The following GDPD4 variants were observed in gnomAD, a reference collection of about 807,000 sequenced individuals.
GDPD4 encodes glycerophosphodiester phosphodiesterase domain containing 4, also known as glycerophosphodiester phosphodiesterase 6.
A neutral mutation model predicts 67.8 loss-of-function variants in GDPD4; 60 were observed. The observed-to-expected ratio is 0.88, with a 90% confidence interval of 0.72 to 1.10. The LOEUF (loss-of-function observed/expected upper bound fraction) is 1.10. Ranked by LOEUF, GDPD4 falls within the 50% of genes least tolerant of loss-of-function variation. The pLI, the probability that GDPD4 is intolerant of heterozygous loss-of-function variation, is 0.00. For synonymous variants in GDPD4, 212 were observed against 210.9 expected (o/e 1.00, Z -0.04); for missense variants, 623 against 613.9 (o/e 1.01, Z -0.16).
At chr11:77,268,833 C>A in intron 9 of GDPD4, 91 bp downstream of exon 9, 1 of 1,339,252 alleles carries the variant, frequency 7.5e-7, no homozygotes, top group Admixed American at 2.1e-5. Flanking sequence ...CACTTTTTCT[C>A]TCCAGGGGCT....
intron 16 of GDPD4, among the ~76,000 whole-genome samples, chr11:77,224,644 A>G (rs1958291213): frequency 6.6e-6 from 1 of 152,232 alleles, no homozygotes; most frequent in Admixed American, 6.5e-5. Flanking sequence ...GCTAACAAGC[A>G]GTGAGCCTGG....
At chr11:77,296,289 G>A (rs1363725622) in intron 1 of GDPD4, among the ~76,000 whole-genome samples, 1 of 148,304 alleles carries the variant, frequency 6.7e-6, no homozygotes, top group African/African-American at 2.5e-5. Flanking sequence ...TTTCTTGTAA[G>A]TATATGAATT....
rs67911054 is a variant in GDPD4, at chr11:77,262,854, CAAAAAAAA to C, written c.708-4320_708-4313del. Among the ~76,000 whole-genome samples, 185 of 67,004 alleles carry C rather than the reference CAAAAAAAA, an allele frequency of 2.8e-3. 1 individual carries two copies. Among genetic ancestry groups the C allele is most frequent in the Middle Eastern group, 0.031 (2 of 64 alleles). The allele number at this position is 67,004 out of a possible 152,430, so 44.0% of individuals were successfully genotyped here. A position where few individuals can be genotyped will look rare whatever the true frequency, so the allele number is the denominator to read the frequency against. ...TCTATCACTAAATCTTTCTCTGCTG[CAAAAAAAA>C]AAAAAAAAAAAAAAAGGAGCTGGGG... On this transcript the variant is annotated intron_variant, in intron 10 of 16. Transcript: ENST00000315938.
chr11:77,292,970 CT>C (rs1937831636), intron 1 of GDPD4, among the ~76,000 whole-genome samples: 1 of 151,854 alleles, frequency 6.6e-6, no homozygotes, highest in Non-Finnish European at 1.5e-5. Flanking sequence ...AATAAAAAGC[CT>C]TGTTAAAAAG....
chr11:77,276,161 C>T lies in GDPD4; in HGVS notation c.207G>A (p.Lys69=). 1 of 1,612,134 alleles carries T rather than the reference C, an allele frequency of 6.2e-7. No homozygotes were observed. The highest frequency in any genetic ancestry group is 1.1e-5 in the South Asian group (1 of 91,032). ...RIELYLHLCH[K]ILILLVILLC... ...TCCTATGTGGACTCAGATGTCCTACCTTATGACACAAGTGCAGGTATAGTT... is the reference window on the plus strand; with the variant it reads ...TCCTATGTGGACTCAGATGTCCTACTTTATGACACAAGTGCAGGTATAGTT... The change falls in exon 5 of 17, where the codon AAG becomes AAA. Residue 69 remains lysine, a splice_region_variant and synonymous_variant. Coordinates refer to ENST00000315938, the MANE Select transcript of GDPD4 (RefSeq NM_182833.3).
chr11:77,284,734 G>C (rs1345389525), intron 3 of GDPD4, among the ~76,000 whole-genome samples: 3 of 152,184 alleles, frequency 2.0e-5, no homozygotes, highest in African/African-American at 7.2e-5. Flanking sequence ...TAGAGATCAT[G>C]AAGACCAACT....
chr11:77,268,528 C>T lies in GDPD4; in HGVS notation c.636G>A (p.Glu212=), dbSNP rs377216795. 3 of 1,612,148 alleles carry T rather than the reference C, an allele frequency of 1.9e-6. No homozygotes were observed. The highest frequency in any genetic ancestry group is 1.3e-5 in the African/African-American group (1 of 74,760). The change falls in exon 10 of 17, where the codon GAG becomes GAA. Residue 212 remains glutamate, a synonymous_variant. Transcript: ENST00000315938. ...CTTTCTCAAAGGACATCATGGTATT[C>T]TCAGGCCCCAACTGTAGAAGAAAAG... ...GHRGAPMLGP[E]NTMMSFEKAV... is the part of the protein sequence containing the mutation.
intron 4 of GDPD4, among the ~76,000 whole-genome samples, 172 bp from the exon 5 acceptor site, chr11:77,276,392 G>A (rs1158361630): frequency 1.3e-5 from 2 of 152,020 alleles, no homozygotes; most frequent in Non-Finnish European, 2.9e-5. Flanking sequence ...GCCTGAAAAA[G>A]CTCCCTCTCC....
At chr11:77,261,217 C>G (rs904080342) in intron 10 of GDPD4, among the ~76,000 whole-genome samples, 2 of 151,922 alleles carry the variant, frequency 1.3e-5, no homozygotes, top group East Asian at 3.9e-4. Context: ...TCCACGTTAA[C>G]TGAAGATGCT....
Position 77,269,044 on chromosome 11 carries a change from G to T in GDPD4, c.504C>A (p.Pro168=). The change falls in exon 9 of 17, where the codon CCC becomes CCA. Residue 168 remains proline (P), a synonymous_variant. Transcript: ENST00000315938. ...LRGLQVPVGL[P]FLLILLGLYL... is the part of the protein sequence containing the mutation. ...AGAGACCTAAAAGGATAAGAAGAAA[G>T]GGTAATCCAACAGGCACTTGTAGAC... The T allele has an allele frequency of 3.1e-6, 5 of 1,613,902 alleles. No homozygotes were observed. Among genetic ancestry groups the T allele is most frequent in the Non-Finnish European group, 4.2e-6 (5 of 1,179,862 alleles).
Position 77,268,559 on chromosome 11 carries a change from C to G in GDPD4, c.625-20G>C, listed in dbSNP as rs1402184788. On this transcript the variant is annotated intron_variant, in intron 9 of 16. Transcript: ENST00000315938. ...CCCCAACTGTAGAAGAAAAGGACAT[C>G]AGGCCCTAAGCCTCAGAGTCTCTCC... The G allele has an allele frequency of 3.2e-6, 5 of 1,564,852 alleles. No individual in the cohort carries two copies. In the Admixed American group the frequency reaches 8.3e-5, roughly 26 times the overall value.
chr11:77,257,730 C>G (rs11237155), intron 11 of GDPD4, among the ~76,000 whole-genome samples: 36,869 of 151,978 alleles, frequency 0.24, 4,730 homozygotes, highest in Admixed American at 0.33. Context: ...ACCATTCATA[C>G]TTGCCTCAAA....
chr11:77,234,203 G>A (rs1958507795), intron 13 of GDPD4, among the ~76,000 whole-genome samples: 1 of 152,088 alleles, frequency 6.6e-6, no homozygotes, highest in Admixed American at 6.5e-5. Flanking sequence ...CCTTAACAGA[G>A]GTGCTAGCAA....
chr11:77,227,990 G>A (rs1252047865), intron 15 of GDPD4, 74 bp from the exon 16 acceptor site: 5 of 976,176 alleles, frequency 5.1e-6, no homozygotes, highest in Non-Finnish European at 8.3e-6. Flanking sequence ...TCCTCCTCCA[G>A]GATCTTCTTC....
At chr11:77,237,347 T>A (rs942702604) in intron 13 of GDPD4, among the ~76,000 whole-genome samples, 1 of 152,204 alleles carries the variant, frequency 6.6e-6, no homozygotes, top group East Asian at 1.9e-4. Context: ...TTATCTGATA[T>A]GTGAATGTTT....
At chr11:77,227,755 C>CA in intron 16 of GDPD4, 109 bp downstream of exon 16, 2 of 508,640 alleles carry the variant, frequency 3.9e-6, no homozygotes, top group Non-Finnish European at 7.8e-6. Flanking sequence ...CCACCCCCAA[C>CA]TTTCCAGACA....
At chr11:77,282,420 C>G (rs536119472) in intron 3 of GDPD4, among the ~76,000 whole-genome samples, 1 of 152,006 alleles carries the variant, frequency 6.6e-6, no homozygotes, top group African/African-American at 2.4e-5. Context: ...TTTGGGAGGT[C>G]GAGCGGGCAG....
chr11:77,267,455 T>C (rs1959183333), intron 10 of GDPD4, among the ~76,000 whole-genome samples: 1 of 152,266 alleles, frequency 6.6e-6, no homozygotes, highest in Non-Finnish European at 1.5e-5. Flanking sequence ...ACTCAATTTG[T>C]CTGCCAGCAT....
At chr11:77,269,092 G>C (rs1379875449) in intron 8 of GDPD4, 23 bp from the exon 9 acceptor site, 1 of 1,607,896 alleles carries the variant, frequency 6.2e-7, no homozygotes, top group Non-Finnish European at 8.5e-7. Flanking sequence ...AAAGGAAGGG[G>C]AAGTGGGGGA....
Sources: gnomAD v4.1 joint callset for allele counts (sites outside exome capture counted in the v4.1 genomes callset) on GRCh38, gnomAD v4.1.1 for gene constraint, MANE v1.5 for transcripts, NCBI Gene and HGNC (gene_info 2026-07-23, HGNC 2026-07-21) for gene names.